The following MYRIP variants were observed in gnomAD, a reference collection of about 807,000 sequenced individuals.
MYRIP encodes the protein rab effector MyRIP.
In MYRIP, 49 loss-of-function variants were observed where a neutral mutation model predicts 98.0. The observed-to-expected ratio is 0.50, with a 90% CI of 0.40 to 0.63. The LOEUF (loss-of-function observed/expected upper bound fraction) is 0.63. MYRIP is among the 30% of genes least tolerant of loss of function. MYRIP has a pLI of 0.00. For synonymous variants in MYRIP, 404 were observed against 409.5 expected (o/e 0.99, Z 0.16); for missense variants, 1,004 against 1,058.2 (o/e 0.95, Z 0.71).
At chr3:40,249,837 GCAGGACATATAAATGACTATAA>G (rs1383593423) in intron 13 of MYRIP, among the ~76,000 whole-genome samples, 2 of 152,150 alleles carry the variant, frequency 1.3e-5, no homozygotes, top group Non-Finnish European at 2.9e-5. Flanking sequence ...GAAGAAGAAA[GCAGGACATATAAATGACTATAA>G]CAGGACATAT....
In MYRIP at chr3:40,085,381, G is replaced by A. The variant is rs114940456; in HGVS notation, c.332+41110G>A. On this transcript the variant is annotated intron_variant, in intron 3 of 16. Coordinates refer to ENST00000302541, the MANE Select transcript of MYRIP (RefSeq NM_015460.4). ...GGCCCACTGCAACCTCCATCTCCCC[G>A]GTCAAGTGATTCTCCTCCTCAGCCT... is the stretch of plus-strand genomic sequence containing the variant. Among the ~76,000 whole-genome samples, 944 of 152,204 alleles carry A rather than the reference G, an allele frequency of 6.2e-3. 11 individuals are homozygous for A. The highest frequency in any genetic ancestry group is 0.021 in the African/African-American group (881 of 41,518).
intron 2 of MYRIP, among the ~76,000 whole-genome samples, chr3:39,975,586 G>A (rs1168474773): frequency 6.6e-6 from 1 of 151,904 alleles, no homozygotes; most frequent in Non-Finnish European, 1.5e-5. Flanking sequence ...AGCCCGCATT[G>A]CCAAGTCAAT....
chr3:39,826,433 C>T (rs987690334), intron 1 of MYRIP, among the ~76,000 whole-genome samples: 18 of 151,986 alleles, frequency 1.2e-4, no homozygotes, highest in Admixed American at 3.3e-4. Flanking sequence ...TGATCAGGAA[C>T]GTGTTGTTTA....
At position 40,167,143 on chromosome 3, in the gene MYRIP, T is replaced by C. The variant is rs1248399794; in HGVS notation, c.649-16T>C. 1 of 1,613,608 alleles carries C rather than the reference T, an allele frequency of 6.2e-7. No individual in the cohort carries two copies. The highest frequency in any genetic ancestry group is 1.7e-5 in the Admixed American group (1 of 60,022). On this transcript the variant is annotated splice_polypyrimidine_tract_variant and intron_variant, in intron 6 of 16. Coordinates refer to ENST00000302541, the MANE Select transcript of MYRIP (RefSeq NM_015460.4). Reference sequence around the variant, plus strand: ...AAATCCACCCACAGCACACAGCCATTCTCTTCCCTCCTCAGGACAAGCAAA... The same window carrying C: ...AAATCCACCCACAGCACACAGCCATCCTCTTCCCTCCTCAGGACAAGCAAA...
chr3:39,973,490 C>T (rs1397713470), intron 2 of MYRIP, among the ~76,000 whole-genome samples: 1 of 152,132 alleles, frequency 6.6e-6, no homozygotes, highest in African/African-American at 2.4e-5. Context: ...TTAGACAGAT[C>T]AACGAGACAG....
At chr3:39,828,287 T>C (rs1476773400) in intron 1 of MYRIP, among the ~76,000 whole-genome samples, 1 of 152,090 alleles carries the variant, frequency 6.6e-6, no homozygotes, top group Admixed American at 6.5e-5. Context: ...TTAAATTCTT[T>C]TCTCTCTCAT....
intron 2 of MYRIP, among the ~76,000 whole-genome samples, chr3:39,952,388 G>T (rs1945040774): frequency 6.6e-6 from 1 of 152,020 alleles, no homozygotes; most frequent in Admixed American, 6.6e-5. Flanking sequence ...TATCATGAAG[G>T]CATGTAGGAT....
chr3:40,204,250 G>A (rs1248904433), intron 10 of MYRIP, among the ~76,000 whole-genome samples: 1 of 96,510 alleles, frequency 1.0e-5, no homozygotes, highest in Non-Finnish European at 1.9e-5. Flanking sequence ...TTTTTTTTGA[G>A]ACAGAGTCTC....
rs1944643228 is a variant in MYRIP at position 39,935,824 on chromosome 3, A to G, written c.110+34898A>G. ...CAGGACAGGAGCACTTGGGAGAGAAATGGCCACTATTGCCATGTTGTAAGT... is the reference window on the plus strand; with the variant it reads ...CAGGACAGGAGCACTTGGGAGAGAAGTGGCCACTATTGCCATGTTGTAAGT... On this transcript the variant is annotated intron_variant, in intron 2 of 16. Transcript: ENST00000302541. Among the ~76,000 whole-genome samples, 5 of 152,260 alleles carry G rather than the reference A, an allele frequency of 3.3e-5. 1 individual carries two copies. In the South Asian group the frequency reaches 1.0e-3, roughly 32 times the overall value.
rs536817348 is a variant in MYRIP, at chr3:39,922,858, A to T, written c.110+21932A>T. 2.2e-4 allele frequency among the ~76,000 whole-genome samples: 33 copies of T among 152,330 alleles called. 1 individual carries two copies. Among genetic ancestry groups the T allele is most frequent in the Middle Eastern group, 6.8e-3 (2 of 294 alleles). On this transcript the variant is annotated intron_variant, in intron 2 of 16. Coordinates refer to ENST00000302541, the MANE Select transcript of MYRIP (RefSeq NM_015460.4). ...AAACTGAATGAAAAAGACAATCAATATATGCCAAGACTGAGAGGGCAGAGG... is the reference window on the plus strand; with the variant it reads ...AAACTGAATGAAAAAGACAATCAATTTATGCCAAGACTGAGAGGGCAGAGG...
chr3:39,827,932 A>G (rs971129860), intron 1 of MYRIP, among the ~76,000 whole-genome samples: 1 of 151,890 alleles, frequency 6.6e-6, no homozygotes, highest in African/African-American at 2.4e-5. Context: ...CCTGTCCTGT[A>G]AAATTTCTGT....
rs193274775 is a variant in MYRIP at position 40,210,460 on chromosome 3, T to C, written c.1905+367T>C. On this transcript the variant is annotated intron_variant, in intron 11 of 16. Transcript: ENST00000302541. ...TCCATCTGCTGGTACATGAAGAATT[T>C]TGCCCATGGATTAAGGTCATCTAGC... Among the ~76,000 whole-genome samples, 20 of 152,300 alleles carry C rather than the reference T, an allele frequency of 1.3e-4. No homozygotes were observed. In the East Asian group the frequency reaches 2.1e-3, roughly 16 times the overall value.
At chr3:40,081,293 A>C (rs772224305) in intron 3 of MYRIP, among the ~76,000 whole-genome samples, 2 of 152,126 alleles carry the variant, frequency 1.3e-5, no homozygotes, top group African/African-American at 2.4e-5. Context: ...TTCTTCCTCA[A>C]TTTTTGACTG....
intron 2 of MYRIP, among the ~76,000 whole-genome samples, chr3:40,036,324 A>AAAAAAAAAAAAAC (rs1553607293): frequency 1.4e-4 from 17 of 125,640 alleles, no homozygotes; most frequent in South Asian, 2.4e-4. Flanking sequence ...AAAAAAAAAA[A>AAAAAAAAAAAAAC]CTTTATTCAA....
At chr3:39,830,636 G>A (rs1347267726) in intron 1 of MYRIP, among the ~76,000 whole-genome samples, 2 of 152,070 alleles carry the variant, frequency 1.3e-5, no homozygotes, top group African/African-American at 4.8e-5. Flanking sequence ...TAGCCCTGGA[G>A]CCCACCTTCT....
At chr3:40,088,621 G>T (rs1948677377) in intron 3 of MYRIP, among the ~76,000 whole-genome samples, 1 of 152,198 alleles carries the variant, frequency 6.6e-6, no homozygotes, top group Non-Finnish European at 1.5e-5. Flanking sequence ...TACAGAGCTA[G>T]TGCTGGTGCT....
chr3:40,048,305 A>G (rs1947713092), intron 3 of MYRIP, among the ~76,000 whole-genome samples: 1 of 152,048 alleles, frequency 6.6e-6, no homozygotes, highest in African/African-American at 2.4e-5. Context: ...AAATGAAACC[A>G]TTTTTGCTAC....
intron 2 of MYRIP, among the ~76,000 whole-genome samples, chr3:39,978,245 G>A (rs536926023): frequency 2.6e-5 from 4 of 152,296 alleles, no homozygotes; most frequent in African/African-American, 9.6e-5. Flanking sequence ...GAGAAATTTA[G>A]ATAAGCTGTA....
rs191637117 is a variant in MYRIP, at chr3:39,933,354, T to C, written c.110+32428T>C. 3.9e-5 allele frequency among the ~76,000 whole-genome samples: 6 copies of C among 152,368 alleles called. No individual in the cohort carries two copies. In the East Asian group the frequency reaches 5.8e-4, roughly 15 times the overall value. On this transcript the variant is annotated intron_variant, in intron 2 of 16. Transcript: ENST00000302541. ...AGCCAAAATATTTACTATCTGAAAT[T>C]GTACAGAAAATGTTTGCCAACATCT...
Sources: allele counts gnomAD v4.1 joint callset (sites outside exome capture counted in the v4.1 genomes callset), GRCh38; gene constraint gnomAD v4.1.1; transcripts MANE v1.5; gene names NCBI Gene and HGNC (gene_info 2026-07-23, HGNC 2026-07-21).